Variants in LRRFIP2 observed in about 807,000 individuals in gnomAD.
The protein encoded by LRRFIP2 is LRR binding FLII interacting protein 2.
LRRFIP2 carries 109 observed loss-of-function variants against 125.9 expected under a neutral mutation model. The observed-to-expected ratio is 0.87, with a 90% CI of 0.74 to 1.01. The LOEUF (loss-of-function observed/expected upper bound fraction) is 1.01. LRRFIP2 is among the 50% of genes least tolerant of loss of function. The probability of loss-of-function intolerance (pLI) is 0.00; values close to 1 mark genes in which losing one functional copy is unlikely to be tolerated. For missense variants in LRRFIP2, 850 were observed against 862.3 expected (o/e 0.99, Z 0.18); for synonymous variants, 291 against 293.1 (o/e 0.99, Z 0.07).
intron 8 of LRRFIP2, among the ~76,000 whole-genome samples, chr3:37,112,142 G>A (rs532722890): frequency 2.2e-4 from 33 of 152,046 alleles, no homozygotes; most frequent in East Asian, 2.1e-3. Flanking sequence ...AGGCAGAGGC[G>A]GGCAGATCAC....
chr3:37,070,950 C>T (rs1329618229), intron 21 of LRRFIP2, among the ~76,000 whole-genome samples: 1 of 150,488 alleles, frequency 6.6e-6, no homozygotes, highest in Admixed American at 6.7e-5. Context: ...CAGATTTTAA[C>T]TAAAAATTTT....
intron 20 of LRRFIP2, among the ~76,000 whole-genome samples, chr3:37,073,824 C>T (rs944180111): frequency 1.5e-5 from 1 of 66,396 alleles, no homozygotes; most frequent in Non-Finnish European, 4.9e-5. Flanking sequence ...GAGAAGCAGC[C>T]CCCAAAGCAG....
At chr3:37,117,060 TC>T (rs2094822813) in intron 6 of LRRFIP2, among the ~76,000 whole-genome samples, 1 of 151,092 alleles carries the variant, frequency 6.6e-6, no homozygotes, top group Non-Finnish European at 1.5e-5. Flanking sequence ...GAGAGACACT[TC>T]CCCAAAAATA....
chr3:37,167,161 C>T (rs2096510406), intron 1 of LRRFIP2, among the ~76,000 whole-genome samples: 1 of 142,308 alleles, frequency 7.0e-6, no homozygotes, highest in Admixed American at 7.3e-5. Flanking sequence ...TGTGACACTA[C>T]ACTCCAGCCT....
chr3:37,059,622 A>G (rs912428727), intron 24 of LRRFIP2, among the ~76,000 whole-genome samples: 1 of 151,980 alleles, frequency 6.6e-6, no homozygotes, highest in African/African-American at 2.4e-5. Context: ...CCCCATCTCT[A>G]CTAAAACTAC....
chr3:37,116,558 T>C (rs2094797524), intron 6 of LRRFIP2, among the ~76,000 whole-genome samples: 1 of 152,244 alleles, frequency 6.6e-6, no homozygotes, highest in African/African-American at 2.4e-5. Flanking sequence ...TACTTTTACA[T>C]ATATACAAAT....
rs191007327 is a variant in LRRFIP2, at chr3:37,075,128, C to T, written c.1279-12G>A. The T allele has an allele frequency of 3.1e-4, 487 of 1,570,642 alleles. No homozygotes were observed. The highest frequency in any genetic ancestry group is 1.2e-3 in the Admixed American group (69 of 59,958). ...TGCCTTTCTAACTCCTGTTATTAAA[C>T]AAATAATATCATTTACACAGGTCAT... On this transcript the variant is annotated splice_polypyrimidine_tract_variant and intron_variant, in intron 19 of 27. Coordinates refer to ENST00000336686, the MANE Select transcript of LRRFIP2 (RefSeq NM_006309.4).
intron 1 of LRRFIP2, among the ~76,000 whole-genome samples, chr3:37,172,517 T>C (rs1186627200): frequency 6.6e-6 from 1 of 152,212 alleles, no homozygotes; most frequent in Non-Finnish European, 1.5e-5. Flanking sequence ...GAAAGCAGAC[T>C]TTCTTTTCAT....
chr3:37,121,813 GA>G (rs1295298127), intron 4 of LRRFIP2, 122 bp from the exon 5 acceptor site: 6 of 843,042 alleles, frequency 7.1e-6, no homozygotes, highest in Non-Finnish European at 1.2e-5. Context: ...GGCAGGTTTG[GA>G]TAACTTATCT....
At chr3:37,078,241 T>C (rs1044881069) in intron 19 of LRRFIP2, among the ~76,000 whole-genome samples, 1 of 152,174 alleles carries the variant, frequency 6.6e-6, no homozygotes, top group Admixed American at 6.5e-5. Context: ...AACCTAACTA[T>C]ACATCCAGTT....
intron 25 of LRRFIP2, 51 bp downstream of exon 25, chr3:37,058,739 T>C: frequency 6.3e-7 from 1 of 1,583,706 alleles, no homozygotes. Context: ...AACCCACCCC[T>C]GGGACACAGT....
intron 15 of LRRFIP2, among the ~76,000 whole-genome samples, chr3:37,098,688 T>G (rs896658014): frequency 6.6e-6 from 1 of 152,084 alleles, no homozygotes; most frequent in Non-Finnish European, 1.5e-5. Context: ...CCACCATGCC[T>G]GGCCTGAAAT....
At chr3:37,054,551 C>T (rs1028114368) in intron 26 of LRRFIP2, 36 bp from the exon 27 acceptor site, 1 of 1,334,068 alleles carries the variant, frequency 7.5e-7, no homozygotes, top group South Asian at 1.3e-5. Flanking sequence ...TAGTACTGGG[C>T]ACTAGAAGTC....
intron 21 of LRRFIP2, chr3:37,067,477 C>T (rs1236930543): frequency 6.6e-6 from 1 of 152,200 alleles, no homozygotes; most frequent in Non-Finnish European, 1.5e-5. Context: ...TTAGCATTCC[C>T]ATTAATCCAA....
At chr3:37,063,209 G>A (rs1393584274) in intron 24 of LRRFIP2, among the ~76,000 whole-genome samples, 1 of 152,206 alleles carries the variant, frequency 6.6e-6, no homozygotes, top group East Asian at 1.9e-4. Flanking sequence ...TCCACTGTGT[G>A]AGTAGTGTTT....
intron 2 of LRRFIP2, chr3:37,135,069 A>C (rs2149779726): frequency 7.2e-7 from 1 of 1,392,454 alleles, no homozygotes; most frequent in East Asian, 2.3e-5. Flanking sequence ...AGTACAACAG[A>C]ATATCTCGGG....
rs185129694 is a variant in LRRFIP2, at chr3:37,058,303, C to G, written c.1870+487G>C. On this transcript the variant is annotated intron_variant, in intron 25 of 27. Transcript: ENST00000336686. Reference sequence around the variant, plus strand: ...ACAGGCTAGTGGAGCCTCTATTCAGCTATATTGCTGACTAGGACTGTTTTT... The same window carrying G: ...ACAGGCTAGTGGAGCCTCTATTCAGGTATATTGCTGACTAGGACTGTTTTT... Among the ~76,000 whole-genome samples, 9 of 152,310 alleles carry G rather than the reference C, an allele frequency of 5.9e-5. No homozygotes were observed. In the East Asian group the frequency reaches 1.7e-3, roughly 29 times the overall value.
At chr3:37,065,972 A>G (rs1473545162) in intron 22 of LRRFIP2, 30 bp from the exon 23 acceptor site, 2 of 1,613,920 alleles carry the variant, frequency 1.2e-6, no homozygotes, top group Admixed American at 1.7e-5. Flanking sequence ...ACCATCACAA[A>G]AGGCCCGTAT....
chr3:37,151,599 C>CT lies in LRRFIP2; in HGVS notation c.-55-2562dup, dbSNP rs796655140. Among the ~76,000 whole-genome samples, 249 of 139,306 alleles carry CT rather than the reference C, an allele frequency of 1.8e-3. 1 individual carries two copies. Among genetic ancestry groups the CT allele is most frequent in the South Asian group, 3.9e-3 (17 of 4,338 alleles). 91.4% of individuals were successfully genotyped at this position (139,306 alleles called of 152,430 possible). On this transcript the variant is annotated intron_variant, in intron 1 of 27. Transcript: ENST00000336686. ...CAATATGAAGATTTCTTTTTTTTTT[C>CT]TTTTTTTTTTTTTGTTGAGATGGAG...
Sources: gnomAD v4.1 joint callset for allele counts (sites outside exome capture counted in the v4.1 genomes callset) on GRCh38, gnomAD v4.1.1 for gene constraint, MANE v1.5 for transcripts, NCBI Gene and HGNC (gene_info 2026-07-23, HGNC 2026-07-21) for gene names.